Variants in MAGEA10 observed in about 807,000 individuals in gnomAD.
The protein encoded by MAGEA10 is melanoma-associated antigen 10.
A neutral mutation model predicts 8.6 loss-of-function variants in MAGEA10; 7 were observed. The observed-to-expected ratio is 0.82, with a 90% CI of 0.46 to 1.53. The LOEUF is 1.53. Ranked by LOEUF, MAGEA10 falls within the 40% of genes most tolerant of loss-of-function variation. The pLI, the probability that MAGEA10 is intolerant of heterozygous loss-of-function variation, is 0.01. For missense variants in MAGEA10, 293 were observed against 274.0 expected, an observed-to-expected ratio of 1.07 and a Z score of -0.49; for synonymous variants, 125 against 107.4, an observed-to-expected ratio of 1.16 and a Z score of -1.02.
chrX:152,135,224 C>T lies in MAGEA10; in HGVS notation c.397G>A (p.Glu133Lys), dbSNP rs1569471297. Reference protein sequence around the residue: ...LPDSESLPRSEIDEKVTDLVQ... With the variant: ...LPDSESLPRSKIDEKVTDLVQ... ...AAATCAGTCACCTTTTCATCTATCTCACTTCTGGGTAAAGACTCACTGTCT... is the reference window on the plus strand; with the variant it reads ...AAATCAGTCACCTTTTCATCTATCTTACTTCTGGGTAAAGACTCACTGTCT... The change falls in exon 4 of 4, where the codon GAG becomes AAG. Residue 133 changes from glutamate (E) to lysine (K), a missense_variant. Glu to Lys is a moderately conservative substitution (Grantham distance 56, BLOSUM62 1). Coordinates refer to ENST00000370323, the MANE Select transcript of MAGEA10 (RefSeq NM_021048.5). The T allele has an allele frequency of 8.3e-7, 1 of 1,208,201 alleles. No homozygotes were observed. The highest frequency in any genetic ancestry group is 1.8e-5 in the African/African-American group (1 of 57,057).
rs1603182987 is a variant in MAGEA10 at position 152,135,797 on chromosome X, C to T, written c.-102G>A. 2.8e-6 allele frequency: 1 copy of T among 356,922 alleles called. No homozygotes were observed. Among genetic ancestry groups the T allele is most frequent in the East Asian group, 4.1e-5 (1 of 24,442 alleles). The allele number at this position is 356,922 out of a possible 1,213,427, so 29.4% of individuals were successfully genotyped here. A position where few individuals can be genotyped will look rare whatever the true frequency, so the allele number is the denominator to read the frequency against. ...TTCAGTGCTGCTCTGTGGTGTCCCA[C>T]AGCTCTTGACCTCTTGCTCTCCCTG... On this transcript the variant is annotated 5_prime_UTR_variant, in exon 3 of 4. In the 5' UTR this introduces an upstream ATG that the reference lacks. Transcript: ENST00000370323.
intron 1 of MAGEA10, among the ~76,000 whole-genome samples, chrX:152,138,218 C>T (rs5970219): frequency 0.025 from 2,710 of 110,033 alleles, 78 homozygotes; most frequent in African/African-American, 0.084. Flanking sequence ...CTGAGCGTCC[C>T]GACATTGATG....
chrX:152,138,555 C>T lies in MAGEA10; in HGVS notation c.-319G>A, dbSNP rs890173448. On this transcript the variant is annotated 5_prime_UTR_variant, in exon 1 of 4. Coordinates refer to ENST00000370323, the MANE Select transcript of MAGEA10 (RefSeq NM_021048.5). ...CTCAGAACGAGAACCTCGCTTCTCTCTGATCCCCGAGGCGTAAGTTAGTGG... is the reference window on the plus strand; with the variant it reads ...CTCAGAACGAGAACCTCGCTTCTCTTTGATCCCCGAGGCGTAAGTTAGTGG... The T allele has an allele frequency of 2.8e-5, 3 of 105,676 alleles. No homozygotes were observed. The highest frequency in any genetic ancestry group is 1.0e-4 in the African/African-American group (3 of 28,677). 8.7% of individuals were successfully genotyped at this position (105,676 alleles called of 1,213,427 possible). A position where few individuals can be genotyped will look rare whatever the true frequency, so the allele number is the denominator to read the frequency against.
chrX:152,135,826 C>T lies in MAGEA10; in HGVS notation c.-131G>A. The T allele has an allele frequency of 3.2e-6, 1 of 316,473 alleles. No individual in the cohort carries two copies. Among genetic ancestry groups the T allele is most frequent in the Non-Finnish European group, 5.7e-6 (1 of 175,613 alleles). The allele number at this position is 316,473 out of a possible 1,213,427, so 26.1% of individuals were successfully genotyped here. ...TCTTGACCTCTTGCTCTCCCTGTCC[C>T]CTGAGAACCTGAAGAAGGAAGTGAG... On this transcript the variant is annotated 5_prime_UTR_variant, in exon 3 of 4. Transcript: ENST00000370323.
Position 152,134,265 on chromosome X carries a change from A to G in MAGEA10, c.*246T>C. On this transcript the variant is annotated 3_prime_UTR_variant, in exon 4 of 4. Transcript: ENST00000370323. ...GCATTTATCATTTCTTTTTGGTGACAATATTGAAAAGCCTTCCTTCTAGCT... is the reference window on the plus strand; with the variant it reads ...GCATTTATCATTTCTTTTTGGTGACGATATTGAAAAGCCTTCCTTCTAGCT... The G allele has an allele frequency of 3.0e-6, 1 of 334,324 alleles. No homozygotes were observed. Among genetic ancestry groups the G allele is most frequent in the East Asian group, 4.4e-5 (1 of 22,912 alleles). The allele number at this position is 334,324 out of a possible 1,213,427, so 27.6% of individuals were successfully genotyped here. A position where few individuals can be genotyped will look rare whatever the true frequency, so the allele number is the denominator to read the frequency against.
chrX:152,134,107 T>A lies in MAGEA10; in HGVS notation c.*404A>T, dbSNP rs1406719252. 1.6e-5 allele frequency: 2 copies of A among 125,897 alleles called. No individual in the cohort carries two copies. Among genetic ancestry groups the A allele is most frequent in the Non-Finnish European group, 3.2e-5 (2 of 62,917 alleles). The allele number at this position is 125,897 out of a possible 1,213,427, so 10.4% of individuals were successfully genotyped here. On this transcript the variant is annotated 3_prime_UTR_variant, in exon 4 of 4. Transcript: ENST00000370323. ...TGATTTCCATTCTCATTTGTTTTCA[T>A]AAATTAAAAAAAAACAAAAACATAA...
Position 152,134,453 on chromosome X carries a change from G to A in MAGEA10, c.*58C>T. The A allele has an allele frequency of 2.6e-6, 2 of 760,911 alleles. No homozygotes were observed. The highest frequency in any genetic ancestry group is 3.7e-6 in the Non-Finnish European group (2 of 537,499). The allele number at this position is 760,911 out of a possible 1,213,427, so 62.7% of individuals were successfully genotyped here. A position where few individuals can be genotyped will look rare whatever the true frequency, so the allele number is the denominator to read the frequency against. On this transcript the variant is annotated 3_prime_UTR_variant, in exon 4 of 4. Coordinates refer to ENST00000370323, the MANE Select transcript of MAGEA10 (RefSeq NM_021048.5). ...TTTTTTTTTTAGATTCCACATATGA[G>A]TAAAATCATGTGGTATTTGACTTGC...
chrX:152,135,794 C>T lies in MAGEA10; in HGVS notation c.-99G>A. On this transcript the variant is annotated 5_prime_UTR_variant, in exon 3 of 4. Transcript: ENST00000370323. ...TCCTTCAGTGCTGCTCTGTGGTGTC[C>T]CACAGCTCTTGACCTCTTGCTCTCC... 2 of 366,132 alleles carry T rather than the reference C, an allele frequency of 5.5e-6. No homozygotes were observed. The highest frequency in any genetic ancestry group is 9.7e-6 in the Non-Finnish European group (2 of 206,550). The allele number at this position is 366,132 out of a possible 1,213,427, so 30.2% of individuals were successfully genotyped here. A position where few individuals can be genotyped will look rare whatever the true frequency, so the allele number is the denominator to read the frequency against.
chrX:152,136,288 C>T (rs72614770), intron 2 of MAGEA10, among the ~76,000 whole-genome samples: 1 of 111,473 alleles, frequency 9.0e-6, no homozygotes, highest in Non-Finnish European at 1.9e-5. Context: ...AGATCAAAAG[C>T]TTACATCCCT....
chrX:152,138,071 C>T (rs1936719405), intron 1 of MAGEA10, among the ~76,000 whole-genome samples: 1 of 110,477 alleles, frequency 9.1e-6, no homozygotes, highest in Admixed American at 9.5e-5. Flanking sequence ...CGGGCCTTCC[C>T]TCTGCTCCCC....
At chrX:152,138,135 C>G in intron 1 of MAGEA10, among the ~76,000 whole-genome samples, 1 of 110,808 alleles carries the variant, frequency 9.0e-6, no homozygotes, top group Non-Finnish European at 1.9e-5. Flanking sequence ...CCTCAGATGC[C>G]GACGTCAGAA....
Position 152,135,566 on chromosome X carries a change from G to T in MAGEA10, c.55C>A (p.Gln19Lys), listed in dbSNP as rs768011654. 3.5e-6 allele frequency: 4 copies of T among 1,147,795 alleles called. No individual in the cohort carries two copies. The highest frequency in any genetic ancestry group is 3.5e-6 in the Non-Finnish European group (3 of 866,153). The allele number at this position is 1,147,795 out of a possible 1,213,427, so 94.6% of individuals were successfully genotyped here. A position where few individuals can be genotyped will look rare whatever the true frequency, so the allele number is the denominator to read the frequency against. Residue 19 changes from glutamine to lysine, a missense_variant, in exon 4 of 4, where the codon CAA becomes AAA. By Grantham distance (53) the Gln-to-Lys change is moderately conservative. Transcript: ENST00000370323. ...CCCTCGAGGCCCTGTGTCTCACTTT[G>T]GGATTGAAGATCTTCTTCAGGCATG... Reference protein sequence around the residue: ...RCMPEEDLQSQSETQGLEGAQ... With the variant: ...RCMPEEDLQSKSETQGLEGAQ...
In MAGEA10 at chrX:152,133,973, A is replaced by C. The variant is rs1336080113; in HGVS notation, c.*538T>G. ...AGAAGAAAAAGAAAATAAAATACCA[A>C]GAAGAAAAGAAAAGAAGTCCCCAGG... On this transcript the variant is annotated 3_prime_UTR_variant, in exon 4 of 4. Transcript: ENST00000370323. 1 of 110,446 alleles carries C rather than the reference A, an allele frequency of 9.1e-6. No homozygotes were observed. Among genetic ancestry groups the C allele is most frequent in the Admixed American group, 9.6e-5 (1 of 10,374 alleles). 9.1% of individuals were successfully genotyped at this position (110,446 alleles called of 1,213,427 possible).
In MAGEA10 at chrX:152,135,508, G is replaced by A. The variant is rs143413048; in HGVS notation, c.113C>T (p.Ala38Val). 3.7e-5 allele frequency: 44 copies of A among 1,190,701 alleles called. No homozygotes were observed. In the African/African-American group the frequency reaches 6.9e-4, roughly 19 times the overall value. Residue 38 changes from alanine (A) to valine (V), a missense_variant, in exon 4 of 4, where the codon GCT (alanine) becomes GTT (valine). Ala to Val is a moderately conservative substitution (Grantham distance 64). Transcript: ENST00000370323. ...GGAGCTGGTGGAAGTGGATGATGAAGCATCCTCCTCCACAGCCAGGGGAGC... is the reference window on the plus strand; with the variant it reads ...GGAGCTGGTGGAAGTGGATGATGAAACATCCTCCTCCACAGCCAGGGGAGC... ...AQAPLAVEED[A>V]SSSTSTSSSF...
At position 152,133,401 on chromosome X, in the gene MAGEA10, TAAAAATACTAAC is replaced by T. The variant is rs1936595515; in HGVS notation, c.*1098_*1109del. 1 of 112,392 alleles carries T rather than the reference TAAAAATACTAAC, an allele frequency of 8.9e-6. No individual in the cohort carries two copies. Among genetic ancestry groups the T allele is most frequent in the Admixed American group, 9.4e-5 (1 of 10,632 alleles). The allele number at this position is 112,392 out of a possible 1,213,427, so 9.3% of individuals were successfully genotyped here. A position where few individuals can be genotyped will look rare whatever the true frequency, so the allele number is the denominator to read the frequency against. ...TGATAAACTAAAAATAATAAAGAAA[TAAAAATACTAAC>T]ACTTAAAATTATTTTCTCTATTTTA... On this transcript the variant is annotated 3_prime_UTR_variant, in exon 4 of 4. Transcript: ENST00000370323.
rs987659309 is a variant in MAGEA10, at chrX:152,134,251, T to C, written c.*260A>G. On this transcript the variant is annotated 3_prime_UTR_variant, in exon 4 of 4. Transcript: ENST00000370323. ...ATCCATCACCTCATGCATTTATCATTTCTTTTTGGTGACAATATTGAAAAG... is the reference window on the plus strand; with the variant it reads ...ATCCATCACCTCATGCATTTATCATCTCTTTTTGGTGACAATATTGAAAAG... 37 of 320,244 alleles carry C rather than the reference T, an allele frequency of 1.2e-4. No individual in the cohort carries two copies. Among genetic ancestry groups the C allele is most frequent in the Non-Finnish European group, 1.8e-4 (33 of 185,750 alleles). 26.4% of individuals were successfully genotyped at this position (320,244 alleles called of 1,213,427 possible). A position where few individuals can be genotyped will look rare whatever the true frequency, so the allele number is the denominator to read the frequency against.
At position 152,134,485 on chromosome X, in the gene MAGEA10, A is replaced by C. The variant is rs1022493240; in HGVS notation, c.*26T>G. The C allele has an allele frequency of 2.6e-6, 3 of 1,160,111 alleles. No homozygotes were observed. Among genetic ancestry groups the C allele is most frequent in the Admixed American group, 2.4e-5 (1 of 41,088 alleles). ...CATGTGGTATTTGACTTGCCTTTTA[A>C]AACACAGTGAAGAATCTGTCTTACT... On this transcript the variant is annotated 3_prime_UTR_variant, in exon 4 of 4. Coordinates refer to ENST00000370323, the MANE Select transcript of MAGEA10 (RefSeq NM_021048.5).
rs773562498 is a variant in MAGEA10 at position 152,135,263 on chromosome X, G to C, written c.358C>G (p.Leu120Val). ...SSQKEESPST[L>V]QVLPDSESLP... Reference sequence around the variant, plus strand: ...GACTCACTGTCTGGCAGGACCTGTAGGGTGCTTGGACTCTCCTCCTTTTGG... The same window carrying C: ...GACTCACTGTCTGGCAGGACCTGTACGGTGCTTGGACTCTCCTCCTTTTGG... Residue 120 changes from leucine to valine, a missense_variant, in exon 4 of 4, where the codon CTA becomes GTA. Physicochemically the swap from Leu to Val is conservative, Grantham distance 32 (BLOSUM62 1). Transcript: ENST00000370323. 8 of 1,208,982 alleles carry C rather than the reference G, an allele frequency of 6.6e-6. No individual in the cohort carries two copies. The highest frequency in any genetic ancestry group is 8.9e-6 in the Non-Finnish European group (8 of 894,894).
chrX:152,137,058 C>T (rs370785019), intron 1 of MAGEA10, 89 bp from the exon 2 acceptor site: 1 of 110,855 alleles, frequency 9.0e-6, no homozygotes, highest in East Asian at 2.9e-4. Flanking sequence ...TACACCAAAA[C>T]TCCATTTCCC....
Sources: gnomAD v4.1 joint callset for allele counts (sites outside exome capture counted in the v4.1 genomes callset) on GRCh38, gnomAD v4.1.1 for gene constraint, MANE v1.5 for transcripts, NCBI Gene and HGNC (gene_info 2026-07-23, HGNC 2026-07-21) for gene names.